Variants in FAM193B observed in about 807,000 individuals in gnomAD.
FAM193B encodes the protein protein FAM193B.
In FAM193B, 27 loss-of-function variants were observed where a neutral mutation model predicts 70.7. That is an observed-to-expected ratio of 0.38 (90% CI 0.28 to 0.53). FAM193B has a LOEUF of 0.53. Among genes scored for constraint, FAM193B ranks in the 20% least tolerant of loss-of-function variants. The pLI, the probability that FAM193B is intolerant of heterozygous loss-of-function variation, is 0.81. For missense variants in FAM193B, 1,022 were observed against 1,072.5 expected (o/e 0.95, Z 0.66); for synonymous variants, 448 against 436.0 (o/e 1.03, Z -0.34).
Position 177,523,978 on chromosome 5 carries a change from C to CG in FAM193B, c.2350dup (p.Arg784ProfsTer7). On this transcript the variant is annotated frameshift_variant, in exon 7 of 9. Transcript: ENST00000514747. LOFTEE classifies it high-confidence loss of function. ...CTACCTCTTAAAGTACTCCACCTCT[C>CG]GGTCAGTCTCATCCATCTCCACCCC... 6.2e-7 allele frequency: 1 copy of CG among 1,614,030 alleles called. No homozygotes were observed.
intron 1 of FAM193B, among the ~76,000 whole-genome samples, chr5:177,544,903 G>T (rs560589884): frequency 2.0e-5 from 3 of 152,292 alleles, no homozygotes; most frequent in South Asian, 2.1e-4. Context: ...TTACATATTT[G>T]TGTGAGGTTG....
Position 177,524,006 on chromosome 5 carries a change from C to T in FAM193B, c.2323G>A (p.Asp775Asn). Residue 775 changes from aspartate to asparagine, a missense_variant, in exon 7 of 9, where the codon GAC becomes AAC. Physicochemically the swap from Asp to Asn is conservative, Grantham distance 23. Transcript: ENST00000514747. ...LDDVFLPKDM[D>N]GVEMDETDRE... ...TCAGTCTCATCCATCTCCACCCCGT[C>T]CATGTCCTTGGGCAGGAACACATCG... 2 of 1,614,080 alleles carry T rather than the reference C, an allele frequency of 1.2e-6. No individual in the cohort carries two copies. The highest frequency in any genetic ancestry group is 1.7e-6 in the Non-Finnish European group (2 of 1,179,902).
rs1349771304 is a variant in FAM193B at position 177,538,593 on chromosome 5, T to C, written c.453+312A>G. On this transcript the variant is annotated intron_variant, in intron 2 of 8. Coordinates refer to ENST00000514747, the MANE Select transcript of FAM193B (RefSeq NM_001190946.3). The surrounding 1 kb of genome is among the most constrained non-coding windows in gnomAD (Gnocchi z 4.1). Reference sequence around the variant, plus strand: ...CCCTCAAACTCATCTCTGTCTCCCATGTCATACTGGTTGGCTTTCAAGCTG... The same window carrying C: ...CCCTCAAACTCATCTCTGTCTCCCACGTCATACTGGTTGGCTTTCAAGCTG... Among the ~76,000 whole-genome samples, 1 of 152,192 alleles carries C rather than the reference T, an allele frequency of 6.6e-6. No individual in the cohort carries two copies. The highest frequency in any genetic ancestry group is 1.5e-5 in the Non-Finnish European group (1 of 68,036).
At chr5:177,520,504 G>A (rs890852445) in intron 8 of FAM193B, among the ~76,000 whole-genome samples, 1 of 152,166 alleles carries the variant, frequency 6.6e-6, no homozygotes, top group South Asian at 2.1e-4. Flanking sequence ...GACTGTAGGT[G>A]CACAGCCCGG....
intron 7 of FAM193B, among the ~76,000 whole-genome samples, chr5:177,523,498 C>G (rs531748248): frequency 6.6e-6 from 1 of 152,270 alleles, no homozygotes; most frequent in South Asian, 2.1e-4. Flanking sequence ...CTCATTCTTA[C>G]TCTTCAGGTT....
intron 4 of FAM193B, among the ~76,000 whole-genome samples, chr5:177,533,025 G>T (rs546728291): frequency 6.6e-6 from 1 of 152,330 alleles, no homozygotes; most frequent in Non-Finnish European, 1.5e-5. Flanking sequence ...TGTTGCTTCA[G>T]TTTTTGGGTC....
At chr5:177,549,601 A>T (rs1017033483) in intron 1 of FAM193B, among the ~76,000 whole-genome samples, 6 of 152,250 alleles carry the variant, frequency 3.9e-5, no homozygotes, top group African/African-American at 1.4e-4. Flanking sequence ...AGCCGATGCT[A>T]TATCTCCTTC....
chr5:177,524,547 T>C lies in FAM193B; in HGVS notation c.1934A>G (p.Lys645Arg). ...QKGKRQGSQAKKSEASPAPRP... is the reference protein window; with the variant it reads ...QKGKRQGSQARKSEASPAPRP... ...GGGGGCTGGGCTTGCCTCGCTCTTC[T>C]TGGCCTGACTGCCCTGCCTCTTGCC... is the stretch of plus-strand genomic sequence containing the variant. Residue 645 changes from lysine to arginine, a missense_variant, in exon 6 of 9, where the codon AAG (lysine) becomes AGG (arginine). Physicochemically the swap from Lys to Arg is conservative, Grantham distance 26. Coordinates refer to ENST00000514747, the MANE Select transcript of FAM193B (RefSeq NM_001190946.3). The C allele has an allele frequency of 1.2e-6, 2 of 1,611,264 alleles. No individual in the cohort carries two copies. The highest frequency in any genetic ancestry group is 1.7e-6 in the Non-Finnish European group (2 of 1,178,792).
chr5:177,546,531 C>A (rs1352842872), intron 1 of FAM193B, among the ~76,000 whole-genome samples: 1 of 152,216 alleles, frequency 6.6e-6, no homozygotes, highest in Non-Finnish European at 1.5e-5. Context: ...GTGCATTTCC[C>A]AACATGCTAT....
At chr5:177,522,492 T>C (rs1369083478) in intron 7 of FAM193B, among the ~76,000 whole-genome samples, 2 of 152,158 alleles carry the variant, frequency 1.3e-5, no homozygotes, top group Non-Finnish European at 2.9e-5. Flanking sequence ...CCATATACTT[T>C]TTTTTAAAAT....
chr5:177,534,591 C>T (rs554582945), intron 4 of FAM193B, among the ~76,000 whole-genome samples: 180 of 151,980 alleles, frequency 1.2e-3, no homozygotes, highest in Non-Finnish European at 1.9e-3. Context: ...AATGAGCCAC[C>T]GCGCCTGGCC....
At chr5:177,553,264 T>C in intron 1 of FAM193B, 1 of 987,160 alleles carries the variant, frequency 1.0e-6, no homozygotes, top group Non-Finnish European at 1.2e-6. Flanking sequence ...ATGCAGTGTC[T>C]GCAGAGCCAA....
At chr5:177,542,548 A>C (rs1005656278) in intron 1 of FAM193B, among the ~76,000 whole-genome samples, 1 of 152,158 alleles carries the variant, frequency 6.6e-6, no homozygotes, top group Non-Finnish European at 1.5e-5. Flanking sequence ...AGAAATCTTA[A>C]TCTCTCCCCT....
rs1764501859 is a variant in FAM193B at position 177,538,830 on chromosome 5, GA to G, written c.453+74del. 1 of 1,579,512 alleles carries G rather than the reference GA, an allele frequency of 6.3e-7. No individual in the cohort carries two copies. Among genetic ancestry groups the G allele is most frequent in the African/African-American group, 1.3e-5 (1 of 74,330 alleles). On this transcript the variant is annotated intron_variant, in intron 2 of 8. Transcript: ENST00000514747. The surrounding 1 kb of genome is among the most constrained non-coding windows in gnomAD (Gnocchi z 4.1). ...GGGAGCTGCCCAAGGAGAGCCACCT[GA>G]GGACAGGGAACAGCCTGACTTCCTT...
At chr5:177,545,303 C>CA (rs1414513560) in intron 1 of FAM193B, among the ~76,000 whole-genome samples, 1 of 152,208 alleles carries the variant, frequency 6.6e-6, no homozygotes, top group African/African-American at 2.4e-5. Flanking sequence ...CTCAGCCTCT[C>CA]AAAGTGCTGG....
chr5:177,551,308 G>T (rs1766212959), intron 1 of FAM193B, among the ~76,000 whole-genome samples: 1 of 152,054 alleles, frequency 6.6e-6, no homozygotes, highest in African/African-American at 2.4e-5. Context: ...TTGCTAATAA[G>T]GTAGTAACTG....
intron 1 of FAM193B, among the ~76,000 whole-genome samples, chr5:177,544,829 T>C (rs963153638): frequency 1.3e-5 from 2 of 152,204 alleles, no homozygotes; most frequent in African/African-American, 4.8e-5. Flanking sequence ...TTCACTGATA[T>C]GGGCTCAAAT....
In FAM193B at chr5:177,532,468, T is replaced by A. The variant is rs766935407; in HGVS notation, c.1250A>T (p.Tyr417Phe). 11 of 1,611,780 alleles carry A rather than the reference T, an allele frequency of 6.8e-6. No individual in the cohort carries two copies. Among genetic ancestry groups the A allele is most frequent in the Non-Finnish European group, 9.3e-6 (11 of 1,179,180 alleles). The change falls in exon 5 of 9, where the codon TAC (tyrosine) becomes TTC (phenylalanine). Residue 417 changes from tyrosine (Y) to phenylalanine (F), a missense_variant. Tyr to Phe is a conservative substitution (Grantham distance 22, BLOSUM62 3). Coordinates refer to ENST00000514747, the MANE Select transcript of FAM193B (RefSeq NM_001190946.3). This position sits in a 1 kb window ranked among gnomAD's most constrained non-coding sequence, Gnocchi z 4.9. Reference protein sequence around the residue: ...QRDGKFCDCCYCEFFGHNAEK... With the variant: ...QRDGKFCDCCFCEFFGHNAEK... ...CGCATTGTGGCCGAAGAACTCACAG[T>A]AGCAGCAGTCACAGAACTTCCCATC... is the stretch of plus-strand genomic sequence containing the variant.
At chr5:177,553,230 C>T in intron 1 of FAM193B, 1 of 985,968 alleles carries the variant, frequency 1.0e-6, no homozygotes, top group South Asian at 4.7e-5. Context: ...GCTGCACCAG[C>T]CTCCCAGAGT....
Sources: gnomAD v4.1 joint callset for allele counts (sites outside exome capture counted in the v4.1 genomes callset) on GRCh38, gnomAD v4.1.1 for gene constraint, Gnocchi (gnomAD v3.1) non-coding constraint, MANE v1.5 for transcripts, NCBI Gene and HGNC (gene_info 2026-07-23, HGNC 2026-07-21) for gene names.